ANO9: variants seen among roughly 807,000 people sequenced by gnomAD.
ANO9 encodes anoctamin 9, also known as anoctamin-9.
In ANO9, 80 loss-of-function variants were observed where a neutral mutation model predicts 100.5. The observed-to-expected ratio is 0.80, with a 90% CI of 0.66 to 0.96. The LOEUF (loss-of-function observed/expected upper bound fraction) is 0.96. Ranked by LOEUF, ANO9 falls within the 40% of genes least tolerant of loss-of-function variation. The pLI, the probability that ANO9 is intolerant of heterozygous loss-of-function variation, is 0.00. For missense variants in ANO9, 1,064 were observed against 1,072.7 expected, an observed-to-expected ratio of 0.99 and a Z score of 0.11; for synonymous variants, 473 against 435.6, an observed-to-expected ratio of 1.09 and a Z score of -1.07.
chr11:429,420 GGACA>G (rs1848747514), intron 11 of ANO9, 146 bp downstream of exon 11: 1 of 1,472,688 alleles, frequency 6.8e-7, no homozygotes. Context: ...CCTCACAGGT[GGACA>G]GACCAGGACA....
Position 434,185 on chromosome 11 carries a change from A to G in ANO9, c.7-87T>C, listed in dbSNP as rs367649446. 152 of 1,427,772 alleles carry G rather than the reference A, an allele frequency of 1.1e-4. 2 individuals carry two copies. The African/African-American group carries it at 1.9e-3, about 18-fold the overall frequency. The allele number at this position is 1,427,772 out of a possible 1,614,324, so 88.4% of individuals were successfully genotyped here. On this transcript the variant is annotated intron_variant, in intron 1 of 22. Coordinates refer to ENST00000332826, the MANE Select transcript of ANO9 (RefSeq NM_001012302.3). ...TTGGCGGGTCCCTGCAGCGGACCAC[A>G]TGGTCACACACCGTCCCTCCCCACA...
intron 19 of ANO9, 122 bp from the exon 20 acceptor site, chr11:419,851 C>G (rs1352082416): frequency 6.8e-7 from 1 of 1,476,586 alleles, no homozygotes; most frequent in Non-Finnish European, 8.9e-7. Context: ...CCTTGCAGCC[C>G]TAGGGCTGCA....
chr11:435,612 T>C (rs563116665), intron 1 of ANO9, among the ~76,000 whole-genome samples: 1 of 138,156 alleles, frequency 7.2e-6, no homozygotes, highest in Non-Finnish European at 1.6e-5. Context: ...TGGTATAGTC[T>C]AGTATAGTCT....
intron 7 of ANO9, among the ~76,000 whole-genome samples, chr11:431,305 T>C (rs1590477140): frequency 2.8e-4 from 1 of 3,550 alleles, no homozygotes; most frequent in Non-Finnish European, 3.9e-4. Context: ...CGTCCGCGGG[T>C]ATCTGGGGGG....
intron 1 of ANO9, among the ~76,000 whole-genome samples, chr11:441,574 G>A (rs1190354757): frequency 1.3e-5 from 2 of 152,182 alleles, no homozygotes; most frequent in Non-Finnish European, 2.9e-5. Flanking sequence ...AGCAGCCCCC[G>A]CCTCGGTGGG....
chr11:434,287 G>A (rs780417646), intron 1 of ANO9, among the ~76,000 whole-genome samples, 189 bp from the exon 2 acceptor site: 5 of 152,216 alleles, frequency 3.3e-5, no homozygotes, highest in Admixed American at 1.3e-4. Flanking sequence ...AACAACCGAC[G>A]AAGGACTGTG....
At chr11:440,292 C>G (rs1260293551) in intron 1 of ANO9, 1 of 152,332 alleles carries the variant, frequency 6.6e-6, no homozygotes, top group East Asian at 1.9e-4. Context: ...GAAGGGGAGG[C>G]TGGAGGTTGG....
chr11:420,900 G>GGAGGGGCCT lies in ANO9; in HGVS notation c.1490+36_1491-41dup, dbSNP rs781353419. 7.2e-4 allele frequency: 1,144 copies of GGAGGGGCCT among 1,594,598 alleles called. 6 individuals are homozygous for GGAGGGGCCT. In the African/African-American group the frequency reaches 0.013, roughly 19 times the overall value. ...GCGTGGCAGGGAGGGCGCAGGGGGC[G>GGAGGGGCCT]GAGGGGCCTGGGGCTCCCGGGGCTG... On this transcript the variant is annotated intron_variant, in intron 17 of 22. Transcript: ENST00000332826.
At position 421,344 on chromosome 11, in the gene ANO9, G is replaced by A; in HGVS notation, c.1335-146C>T. The A allele has an allele frequency of 1.3e-6, 1 of 764,020 alleles. No homozygotes were observed. The highest frequency in any genetic ancestry group is 2.2e-5 in the South Asian group (1 of 46,342). 47.3% of individuals were successfully genotyped at this position (764,020 alleles called of 1,614,324 possible). ...AGCGGGGCACAGGTGCTCACACCCA[G>A]ATGAACCGCACCCGCACGTGGGCAC... On this transcript the variant is annotated intron_variant, in intron 15 of 22. Transcript: ENST00000332826. This position sits in a 1 kb window ranked among gnomAD's most constrained non-coding sequence, Gnocchi z 6.8.
At chr11:437,695 G>A (rs924706535) in intron 1 of ANO9, among the ~76,000 whole-genome samples, 1 of 152,248 alleles carries the variant, frequency 6.6e-6, no homozygotes, top group Non-Finnish European at 1.5e-5. Flanking sequence ...AGCCTCCCTG[G>A]GGGGGACTGG....
chr11:428,612 C>T lies in ANO9; in HGVS notation c.1048G>A (p.Val350Ile), dbSNP rs199703326. Residue 350 changes from valine (V) to isoleucine (I), a missense_variant, in exon 13 of 23, where the codon GTC (valine) becomes ATC (isoleucine). Physicochemically the swap from Val to Ile is conservative, Grantham distance 29. Transcript: ENST00000332826. Reference sequence around the variant, plus strand: ...GCCAGGACGCGGTAGACCACCAGGACGTGGGCCATGCCGATCATGAGGCAG... The same window carrying T: ...GCCAGGACGCGGTAGACCACCAGGATGTGGGCCATGCCGATCATGAGGCAG... ...MICLMIGMAH[V>I]LVVYRVLASA... 1.6e-5 allele frequency: 26 copies of T among 1,612,212 alleles called. No individual in the cohort carries two copies. In the Admixed American group the frequency reaches 2.2e-4, roughly 13 times the overall value.
rs774715934 is a variant in ANO9, at chr11:430,262, G to A, written c.674+7C>T. The stretch of plus-strand genomic sequence containing the variant: ...GCCCCCCATGCCCGGCCCCTGCTGC[G>A]GCCCACCTGATCTGGCTGGCCTCAA... On this transcript the variant is annotated splice_region_variant and intron_variant, in intron 8 of 22. Transcript: ENST00000332826. 1.0e-5 allele frequency: 16 copies of A among 1,560,142 alleles called. No homozygotes were observed. In the East Asian group the frequency reaches 1.9e-4, roughly 19 times the overall value.
At position 434,852 on chromosome 11, in the gene ANO9, A is replaced by G. The variant is rs532080515; in HGVS notation, c.7-754T>C. 1.6e-4 allele frequency among the ~76,000 whole-genome samples: 25 copies of G among 152,222 alleles called. 1 individual carries two copies. The South Asian group carries it at 5.2e-3, about 32-fold the overall frequency. ...TTGCAGGGCCTCAGAGCATCCCCTG[A>G]TATTTGTTAATTACTGAGGCAGTCT... On this transcript the variant is annotated intron_variant, in intron 1 of 22. Coordinates refer to ENST00000332826, the MANE Select transcript of ANO9 (RefSeq NM_001012302.3).
At chr11:418,698 G>C (rs1229767304) in intron 22 of ANO9, 22 bp downstream of exon 22, 1 of 1,612,448 alleles carries the variant, frequency 6.2e-7, no homozygotes, top group East Asian at 2.2e-5. Flanking sequence ...CCACTCCGAG[G>C]CCTCTCCCGG....
rs142717996 is a variant in ANO9, at chr11:431,764, C to T, written c.469G>A (p.Glu157Lys). ...FEARFPLHKG[E>K]GRLKKTWARW... ...GCCCACGTCTTCTTCAGGCGTCCCT[C>T]CCCCTGGCTCGGGTGACAGAGAGTG... The change falls in exon 7 of 23, where the codon GAG becomes AAG. Residue 157 changes from glutamate to lysine, a missense_variant. Glu to Lys is a moderately conservative substitution (Grantham distance 56). Coordinates refer to ENST00000332826, the MANE Select transcript of ANO9 (RefSeq NM_001012302.3). The T allele has an allele frequency of 5.6e-6, 9 of 1,612,404 alleles. No homozygotes were observed. The East Asian group carries it at 1.3e-4, about 24-fold the overall frequency.
At chr11:425,833 A>G (rs1205413444) in intron 15 of ANO9, among the ~76,000 whole-genome samples, 2 of 151,746 alleles carry the variant, frequency 1.3e-5, no homozygotes, top group Non-Finnish European at 2.9e-5. Context: ...CCGGGTTCAC[A>G]CCATTCTGCC....
In ANO9 at chr11:431,867, G is replaced by A; in HGVS notation, c.446C>T (p.Ala149Val). 1.2e-6 allele frequency: 2 copies of A among 1,610,812 alleles called. No individual in the cohort carries two copies. Among genetic ancestry groups the A allele is most frequent in the Non-Finnish European group, 1.7e-6 (2 of 1,178,268 alleles). ...EDLMKDGVFE[A>V]RFPLHKGEGR... ...CCTCACCTTGTGCAGGGGGAACCTGGCCTCAAAGACCCCGTCCTTCATCAG... is the reference window on the plus strand; with the variant it reads ...CCTCACCTTGTGCAGGGGGAACCTGACCTCAAAGACCCCGTCCTTCATCAG... Residue 149 changes from alanine to valine, a missense_variant, in exon 6 of 23, where the codon GCC becomes GTC. Coordinates refer to ENST00000332826, the MANE Select transcript of ANO9 (RefSeq NM_001012302.3).
chr11:432,147 C>T lies in ANO9; in HGVS notation c.351-93G>A. 2.9e-6 allele frequency: 4 copies of T among 1,388,766 alleles called. No homozygotes were observed. In the South Asian group the frequency reaches 4.8e-5, roughly 17 times the overall value. 86.0% of individuals were successfully genotyped at this position (1,388,766 alleles called of 1,614,324 possible). On this transcript the variant is annotated intron_variant, in intron 4 of 22. Transcript: ENST00000332826. The surrounding 1 kb of genome is among the most constrained non-coding windows in gnomAD (Gnocchi z 4.8). The stretch of plus-strand genomic sequence containing the variant: ...CTCTGGTCTGGCCAGGCCCAGGCCC[C>T]TCCCTGTCCTGGCAGAGCCCCCAGC...
In ANO9 at chr11:419,703, T is replaced by C; in HGVS notation, c.1813A>G (p.Ile605Val). The change falls in exon 20 of 23, where the codon ATC becomes GTC. Residue 605 changes from isoleucine to valine, a missense_variant. Transcript: ENST00000332826. The part of the protein sequence containing the change: ...IGTWLQVLET[I>V]GVLAVIANGM... ...TTGGCAATGACCGCCAGCACACCGA[T>C]GGTCTCCAGCACCTGCAGCCAGGTC... 6.2e-7 allele frequency: 1 copy of C among 1,604,326 alleles called. No individual in the cohort carries two copies. The highest frequency in any genetic ancestry group is 8.5e-7 in the Non-Finnish European group (1 of 1,177,482).
Sources: allele counts gnomAD v4.1 joint callset (sites outside exome capture counted in the v4.1 genomes callset), GRCh38; gene constraint gnomAD v4.1.1; non-coding constraint Gnocchi (gnomAD v3.1); transcripts MANE v1.5; gene names NCBI Gene and HGNC (gene_info 2026-07-23, HGNC 2026-07-21).